The following PCK1 variants were observed in gnomAD, a reference collection of about 807,000 sequenced individuals.
PCK1 encodes phosphoenolpyruvate carboxykinase, cytosolic [GTP].
PCK1 carries 44 observed loss-of-function variants against 50.3 expected under a neutral mutation model. The ratio of observed to expected loss-of-function variants is 0.87; its 90% CI spans 0.69 to 1.12. The LOEUF (loss-of-function observed/expected upper bound fraction) is 1.12. Among genes scored for constraint, PCK1 ranks in the 50% most tolerant of loss-of-function variants. The probability of loss-of-function intolerance (pLI) is 0.00; values close to 1 mark genes in which losing one functional copy is unlikely to be tolerated. For synonymous variants in PCK1, 332 were observed against 314.3 expected (o/e 1.06, Z -0.59); for missense variants, 790 against 815.0 (o/e 0.97, Z 0.37).
chr20:57,564,692 A>G, intron 8 of PCK1, 79 bp downstream of exon 8: 2 of 1,325,104 alleles, frequency 1.5e-6, no homozygotes, highest in Non-Finnish European at 2.1e-6. Context: ...CTCCTTTTCC[A>G]TGACCTTGTC....
rs2236745 is a variant in PCK1, at chr20:57,561,937, T to C, written c.225-134T>C. The C allele has an allele frequency of 0.47, 331,156 of 700,978 alleles. 79,990 individuals carry two copies. Among genetic ancestry groups the C allele is most frequent in the Middle Eastern group, 0.57 (1,399 of 2,476 alleles). 43.4% of individuals were successfully genotyped at this position (700,978 alleles called of 1,614,324 possible). A position where few individuals can be genotyped will look rare whatever the true frequency, so the allele number is the denominator to read the frequency against. ...AATGTCCACCTGGCCATGTCTTAGA[T>C]GGTCTGTGTGTTCACACTGATGGAC... is the stretch of plus-strand genomic sequence containing the variant. On this transcript the variant is annotated intron_variant, in intron 2 of 9. Transcript: ENST00000319441.
intron 3 of PCK1, 90 bp from the exon 4 acceptor site, chr20:57,562,606 G>A (rs769118487): frequency 1.9e-5 from 21 of 1,099,418 alleles, no homozygotes; most frequent in South Asian, 8.6e-5. Flanking sequence ...GTGGAACACC[G>A]TGAAAATGGG....
chr20:57,563,433 T>G lies in PCK1; in HGVS notation c.799-132T>G, dbSNP rs373781019. 1.6e-4 allele frequency: 112 copies of G among 718,766 alleles called. No individual in the cohort carries two copies. The Middle Eastern group carries it at 2.4e-3, about 15-fold the overall frequency. The allele number at this position is 718,766 out of a possible 1,614,324, so 44.5% of individuals were successfully genotyped here. The stretch of plus-strand genomic sequence containing the variant: ...ATAGAGATCCTTTGGACTTCATGAT[T>G]CTGGGAGTGTTTGTTTGCACTGATA... On this transcript the variant is annotated intron_variant, in intron 5 of 9. Coordinates refer to ENST00000319441, the MANE Select transcript of PCK1 (RefSeq NM_002591.4).
intron 2 of PCK1, 128 bp from the exon 3 acceptor site, chr20:57,561,941 CTG>C (rs1797041838): frequency 9.8e-6 from 7 of 716,522 alleles, no homozygotes. Flanking sequence ...CTTAGATGGT[CTG>C]TGTGTTCACA....
Position 57,566,379 on chromosome 20 carries a change from CTTACCTTTACATAA to C in PCK1, c.*578_*591del, listed in dbSNP as rs1310376742. The C allele has an allele frequency of 6.6e-6, 1 of 152,034 alleles. No individual in the cohort carries two copies. The highest frequency in any genetic ancestry group is 1.9e-4 in the East Asian group (1 of 5,198). The allele number at this position is 152,034 out of a possible 1,614,324, so 9.4% of individuals were successfully genotyped here. Reference sequence around the variant, plus strand: ...AAATTATTTTTATACACCATTGTTCCTTACCTTTACATAATTGCAATATTTCCCCCTTACTACTT... The same window carrying C: ...AAATTATTTTTATACACCATTGTTCCTTGCAATATTTCCCCCTTACTACTT... On this transcript the variant is annotated 3_prime_UTR_variant, in exon 10 of 10. Transcript: ENST00000319441.
At chr20:57,564,424 G>A (rs780381456) in intron 7 of PCK1, 31 bp downstream of exon 7, 72 of 1,613,732 alleles carry the variant, frequency 4.5e-5, no homozygotes, top group Non-Finnish European at 5.7e-5. Context: ...TTGGTGTGCC[G>A]GGCTGCAGGG....
At position 57,565,702 on chromosome 20, in the gene PCK1, G is replaced by C; in HGVS notation, c.1767G>C (p.Val589=). 1 of 1,613,796 alleles carries C rather than the reference G, an allele frequency of 6.2e-7. No homozygotes were observed. ...SISKEFWEKE[V]EDIEKYLEDQ... is the part of the protein sequence containing the mutation. The stretch of plus-strand genomic sequence containing the variant: ...CCAAGGAATTCTGGGAGAAGGAGGT[G>C]GAAGACATCGAGAAGTATCTGGAGG... The change falls in exon 10 of 10, where the codon GTG becomes GTC. Residue 589 remains valine (V), a synonymous_variant. Transcript: ENST00000319441.
At position 57,564,128 on chromosome 20, in the gene PCK1, C is replaced by T. The variant is rs369807569; in HGVS notation, c.962-41C>T. The T allele has an allele frequency of 1.5e-5, 20 of 1,325,048 alleles. No homozygotes were observed. In the African/African-American group the frequency reaches 2.9e-4, roughly 19 times the overall value. 82.1% of individuals were successfully genotyped at this position (1,325,048 alleles called of 1,614,324 possible). On this transcript the variant is annotated intron_variant, in intron 6 of 9. Transcript: ENST00000319441. ...ATATAAGAGTATATGTTCTGCTTTG[C>T]CTGGCACTCACTACTGCTTCTCTGG...
chr20:57,562,070 G>T lies in PCK1; in HGVS notation c.225-1G>T, dbSNP rs1435117021. The T allele has an allele frequency of 6.2e-7, 1 of 1,611,410 alleles. No individual in the cohort carries two copies. The highest frequency in any genetic ancestry group is 8.5e-7 in the Non-Finnish European group (1 of 1,178,560). On this transcript the variant is annotated splice_acceptor_variant, in intron 2 of 9. Transcript: ENST00000319441. LOFTEE classifies it high-confidence loss of function. ...TGAAAGGAAGCCTGTGATTTTTGCA[G>T]CTGGTTGGCTCTCACTGACCCCAGG...
Position 57,563,050 on chromosome 20 carries a change from C to T in PCK1, c.633C>T (p.Pro211=), listed in dbSNP as rs2070165179. Residue 211 remains proline, a synonymous_variant, in exon 5 of 10, where the codon CCC becomes CCT. Transcript: ENST00000319441. ...PLQKPLVNNW[P]CNPELTLIAH... ...CAGAGCCTTTGGTCAACAACTGGCC[C>T]TGCAACCCGGAGCTGACGCTCATCG... is the stretch of plus-strand genomic sequence containing the variant. 6.2e-7 allele frequency: 1 copy of T among 1,613,920 alleles called. No individual in the cohort carries two copies. The highest frequency in any genetic ancestry group is 1.3e-5 in the African/African-American group (1 of 75,072).
chr20:57,561,522 G>GT lies in PCK1; in HGVS notation c.112dup (p.Cys38LeufsTer4). On this transcript the variant is annotated frameshift_variant, in exon 2 of 10. Transcript: ENST00000319441. LOFTEE classifies it high-confidence loss of function. ...AGTTTCTCGAGAATAACGCTGAGCT[G>GT]TGTCAGCCTGATCACATCCACATCT... is the stretch of plus-strand genomic sequence containing the variant. 6.2e-7 allele frequency: 1 copy of GT among 1,613,732 alleles called. No individual in the cohort carries two copies. Among genetic ancestry groups the GT allele is most frequent in the Non-Finnish European group, 8.5e-7 (1 of 1,179,662 alleles).
At position 57,561,516 on chromosome 20, in the gene PCK1, T is replaced by G; in HGVS notation, c.105T>G (p.Ala35=). Residue 35 remains alanine, a synonymous_variant, in exon 2 of 10, where the codon GCT becomes GCG. Transcript: ENST00000319441. ...TGAGGGAGTTTCTCGAGAATAACGC[T>G]GAGCTGTGTCAGCCTGATCACATCC... is the stretch of plus-strand genomic sequence containing the variant. ...QAVREFLENN[A]ELCQPDHIHI... The G allele has an allele frequency of 6.2e-7, 1 of 1,613,896 alleles. No homozygotes were observed. The highest frequency in any genetic ancestry group is 1.3e-5 in the African/African-American group (1 of 75,070).
At chr20:57,564,050 T>A (rs1444965332) in intron 6 of PCK1, 119 bp from the exon 7 acceptor site, 3 of 692,722 alleles carry the variant, frequency 4.3e-6, no homozygotes, top group Non-Finnish European at 7.4e-6. Context: ...AAATGCATAT[T>A]CTAGGGAGGG....
Position 57,565,912 on chromosome 20 carries a change from A to C in PCK1, c.*108A>C, listed in dbSNP as rs1354082438. The stretch of plus-strand genomic sequence containing the variant: ...CCAAATTGACGCCACCATAATAATC[A>C]TCACCACACCGTGAGCAGATCTGAA... On this transcript the variant is annotated 3_prime_UTR_variant, in exon 10 of 10. Coordinates refer to ENST00000319441, the MANE Select transcript of PCK1 (RefSeq NM_002591.4). 5 of 777,254 alleles carry C rather than the reference A, an allele frequency of 6.4e-6. No individual in the cohort carries two copies. Among genetic ancestry groups the C allele is most frequent in the Non-Finnish European group, 1.0e-5 (5 of 493,718 alleles). The allele number at this position is 777,254 out of a possible 1,614,324, so 48.1% of individuals were successfully genotyped here.
Position 57,563,607 on chromosome 20 carries a change from G to A in PCK1, c.841G>A (p.Ala281Thr). 6.2e-7 allele frequency: 1 copy of A among 1,612,596 alleles called. No homozygotes were observed. Among genetic ancestry groups the A allele is most frequent in the Admixed American group, 1.7e-5 (1 of 59,974 alleles). The change falls in exon 6 of 10, where the codon GCG becomes ACG. Residue 281 changes from alanine (A) to threonine (T), a missense_variant. Coordinates refer to ENST00000319441, the MANE Select transcript of PCK1 (RefSeq NM_002591.4). The part of the protein sequence containing the change: ...TNPEGEKKYL[A>T]AAFPSACGKT... ...CCCTGAGGGTGAGAAGAAGTACCTGGCGGCCGCATTTCCCAGCGCCTGCGG... is the reference window on the plus strand; with the variant it reads ...CCCTGAGGGTGAGAAGAAGTACCTGACGGCCGCATTTCCCAGCGCCTGCGG...
At chr20:57,563,535 G>A (rs1026529907) in intron 5 of PCK1, 30 bp from the exon 6 acceptor site, 1 of 1,516,182 alleles carries the variant, frequency 6.6e-7, no homozygotes, top group Admixed American at 1.9e-5. Context: ...AGGAAACAAA[G>A]ATCACAATAA....
intron 4 of PCK1, 45 bp downstream of exon 4, chr20:57,562,944 G>A: frequency 1.3e-6 from 2 of 1,586,794 alleles, no homozygotes; most frequent in Admixed American, 1.7e-5. Flanking sequence ...AAAAAAGAAA[G>A]CTGAACGCAA....
chr20:57,563,519 G>A (rs1177317639), intron 5 of PCK1, 46 bp from the exon 6 acceptor site: 4 of 1,413,816 alleles, frequency 2.8e-6, no homozygotes, highest in African/African-American at 1.4e-5. Context: ...ACCAACCTCG[G>A]GGAGAAGGAA....
intron 1 of PCK1, 21 bp from the exon 2 acceptor site, chr20:57,561,351 C>T (rs541077390): frequency 3.5e-5 from 38 of 1,082,552 alleles, no homozygotes; most frequent in African/African-American, 3.4e-4. Flanking sequence ...TTGTTCAGGA[C>T]GCTTGCGTTT....
Sources: gnomAD v4.1 joint callset for allele counts on GRCh38, gnomAD v4.1.1 for gene constraint, MANE v1.5 for transcripts, NCBI Gene and HGNC (gene_info 2026-07-23, HGNC 2026-07-21) for gene names.